The following ADGRV1 variants were observed in gnomAD, a reference collection of about 807,000 sequenced individuals.
The protein encoded by ADGRV1 is G-protein coupled receptor 98.
Under a neutral mutation model 596.2 loss-of-function variants are expected in ADGRV1, and 359 were observed. The ratio of observed to expected loss-of-function variants is 0.60; its 90% CI spans 0.55 to 0.66. The LOEUF is 0.66. ADGRV1 is among the 30% of genes least tolerant of loss of function. ADGRV1 has a pLI of 0.00. For synonymous variants in ADGRV1, 2,681 were observed against 2,679.2 expected (o/e 1.00, Z -0.02); for missense variants, 7,274 against 7,575.6 (o/e 0.96, Z 1.48).
At chr5:90,665,685 A>C (rs1246443329) in intron 21 of ADGRV1, among the ~76,000 whole-genome samples, 1 of 148,792 alleles carries the variant, frequency 6.7e-6, no homozygotes, top group Non-Finnish European at 1.5e-5. Context: ...TTGCTTTTCT[A>C]GTCCTTTTAA....
chr5:90,894,513 T>A (rs1436294097), intron 83 of ADGRV1, among the ~76,000 whole-genome samples: 1 of 152,154 alleles, frequency 6.6e-6, no homozygotes, highest in African/African-American at 2.4e-5. Flanking sequence ...GTCTGCTAGC[T>A]GACAAAACTG....
Position 90,653,814 on chromosome 5 carries a change from A to G in ADGRV1, c.4240A>G (p.Thr1414Ala). Residue 1414 changes from threonine to alanine, a missense_variant, in exon 20 of 90, where the codon ACA (threonine) becomes GCA (alanine). Physicochemically the swap from Thr to Ala is moderately conservative, Grantham distance 58. Transcript: ENST00000405460. ...GSNATYIAKT[T>A]VMKYLEESVW... ...CAATGCTACATACATTGCCAAGACA[A>G]CAGTCATGAAATATTTAGAAGAAAG... 1.9e-6 allele frequency: 3 copies of G among 1,613,452 alleles called. No individual in the cohort carries two copies. Among genetic ancestry groups the G allele is most frequent in the Non-Finnish European group, 2.5e-6 (3 of 1,179,670 alleles).
intron 86 of ADGRV1, among the ~76,000 whole-genome samples, chr5:91,099,948 C>T (rs1488772315): frequency 6.6e-6 from 1 of 152,138 alleles, no homozygotes; most frequent in African/African-American, 2.4e-5. Flanking sequence ...CATACCTAGC[C>T]CCAGATCACA....
intron 87 of ADGRV1, among the ~76,000 whole-genome samples, chr5:91,104,525 TTAC>T (rs986760680): frequency 9.2e-5 from 14 of 152,200 alleles, no homozygotes; most frequent in African/African-American, 3.4e-4. Flanking sequence ...ACACAAGAAC[TTAC>T]TTCTTCTATC....
intron 21 of ADGRV1, among the ~76,000 whole-genome samples, chr5:90,663,911 TC>T (rs1770842806): frequency 6.6e-6 from 1 of 151,670 alleles, no homozygotes; most frequent in Non-Finnish European, 1.5e-5. Flanking sequence ...TTGTCAAAGA[TC>T]AGATAGTTGT....
rs772322307 is a variant in ADGRV1, at chr5:90,745,806, T to C, written c.10974+11T>C. 5.6e-6 allele frequency: 8 copies of C among 1,432,852 alleles called. No individual in the cohort carries two copies. In the African/African-American group the frequency reaches 5.6e-5, roughly 10 times the overall value. 88.8% of individuals were successfully genotyped at this position (1,432,852 alleles called of 1,614,324 possible). On this transcript the variant is annotated intron_variant, in intron 52 of 89. Transcript: ENST00000405460. ...GTTGCATTTGCTCAGGTAATGATAC[T>C]GAAGACCCCACACTTGCAATGCAAA...
intron 83 of ADGRV1, among the ~76,000 whole-genome samples, chr5:90,908,623 T>C (rs1378397229): frequency 6.6e-6 from 1 of 152,214 alleles, no homozygotes; most frequent in Non-Finnish European, 1.5e-5. Context: ...AATTTTATTA[T>C]AATAACCTAA....
At chr5:90,562,146 A>G (rs144070386) in intron 1 of ADGRV1, among the ~76,000 whole-genome samples, 4 of 152,178 alleles carry the variant, frequency 2.6e-5, no homozygotes, top group Non-Finnish European at 4.4e-5. Flanking sequence ...GTAAAGTTCT[A>G]TTTAGTTTTA....
intron 83 of ADGRV1, among the ~76,000 whole-genome samples, chr5:90,865,356 C>G (rs542772972): frequency 6.6e-6 from 1 of 152,180 alleles, no homozygotes; most frequent in East Asian, 1.9e-4. Context: ...TTTTTGGCAG[C>G]AGAATTTGTA....
chr5:90,732,224 G>A (rs556961345), intron 50 of ADGRV1, among the ~76,000 whole-genome samples: 1 of 152,178 alleles, frequency 6.6e-6, no homozygotes, highest in Non-Finnish European at 1.5e-5. Context: ...GCCTGGTCTT[G>A]AGCTCCAGGC....
chr5:90,939,147 A>T (rs1205946118), intron 83 of ADGRV1, among the ~76,000 whole-genome samples: 1 of 152,228 alleles, frequency 6.6e-6, no homozygotes, highest in Non-Finnish European at 1.5e-5. Flanking sequence ...ACAAAGTTAA[A>T]CTAAAGCAAT....
In ADGRV1 at chr5:90,691,044, G is replaced by A; in HGVS notation, c.6951+3G>A. 1.9e-6 allele frequency: 3 copies of A among 1,613,632 alleles called. No homozygotes were observed. The highest frequency in any genetic ancestry group is 2.5e-6 in the Non-Finnish European group (3 of 1,179,678). Reference sequence around the variant, plus strand: ...ACGACGTTCCGGAGATTGAAGAGGTGAGAGGACTGGCTAGTATAGAATGAC... The same window carrying A: ...ACGACGTTCCGGAGATTGAAGAGGTAAGAGGACTGGCTAGTATAGAATGAC... On this transcript the variant is annotated splice_donor_region_variant and intron_variant, in intron 31 of 89. Transcript: ENST00000405460.
intron 82 of ADGRV1, among the ~76,000 whole-genome samples, chr5:90,862,072 C>T (rs2150446848): frequency 6.6e-6 from 1 of 152,208 alleles, no homozygotes; most frequent in East Asian, 1.9e-4. Flanking sequence ...GCCTAATATA[C>T]TTAATTAAAT....
At chr5:90,882,228 C>T (rs1296736533) in intron 83 of ADGRV1, among the ~76,000 whole-genome samples, 1 of 152,138 alleles carries the variant, frequency 6.6e-6, no homozygotes, top group Non-Finnish European at 1.5e-5. Flanking sequence ...AAAAGACAGA[C>T]TTTTTGCCTT....
intron 83 of ADGRV1, among the ~76,000 whole-genome samples, chr5:90,886,610 C>T (rs78154426): frequency 0.012 from 1,885 of 152,238 alleles, 23 homozygotes; most frequent in East Asian, 0.024. Flanking sequence ...TTATCTCCAC[C>T]GTAAACCACT....
intron 85 of ADGRV1, among the ~76,000 whole-genome samples, chr5:91,015,160 A>G (rs1207039032): frequency 1.3e-5 from 2 of 151,936 alleles, no homozygotes; most frequent in African/African-American, 4.8e-5. Context: ...TTAGGAGCAT[A>G]TTGTTTAATC....
chr5:91,023,323 G>A (rs1469137955), intron 85 of ADGRV1, among the ~76,000 whole-genome samples: 1 of 152,000 alleles, frequency 6.6e-6, no homozygotes, highest in African/African-American at 2.4e-5. Context: ...AGGTGAGTTA[G>A]GGGTAAGATA....
chr5:91,122,312 A>G (rs1426500995), intron 87 of ADGRV1, among the ~76,000 whole-genome samples: 1 of 152,230 alleles, frequency 6.6e-6, no homozygotes, highest in African/African-American at 2.4e-5. Flanking sequence ...CTGTGGAAAT[A>G]TAATTCTTTT....
At chr5:90,884,196 C>T (rs937886122) in intron 83 of ADGRV1, among the ~76,000 whole-genome samples, 12 of 152,134 alleles carry the variant, frequency 7.9e-5, no homozygotes, top group Admixed American at 2.0e-4. Context: ...TGTTTAGCGG[C>T]ATCCCTGCTC....
Sources: allele counts gnomAD v4.1 joint callset (sites outside exome capture counted in the v4.1 genomes callset), GRCh38; gene constraint gnomAD v4.1.1; transcripts MANE v1.5; gene names NCBI Gene and HGNC (gene_info 2026-07-23, HGNC 2026-07-21).